The following ZNF469 variants were observed in gnomAD, a reference collection of about 807,000 sequenced individuals.
ZNF469 encodes the protein zinc finger protein 469.
A neutral mutation model predicts 1.0 loss-of-function variants in ZNF469; 1 was observed. That is an observed-to-expected ratio of 1.00 (90% CI 0.35 to 4.73). ZNF469 has a LOEUF of 4.73. Ranked by LOEUF, ZNF469 falls within the 30% of genes most tolerant of loss-of-function variation. The pLI, the probability that ZNF469 is intolerant of heterozygous loss-of-function variation, is 0.16. For synonymous variants in ZNF469, 2,703 were observed against 2,363.4 expected, an observed-to-expected ratio of 1.14 and a Z score of -4.17; for missense variants, 6,100 against 5,356.3, an observed-to-expected ratio of 1.14 and a Z score of -4.33.
the ZNF469 span, among the ~76,000 whole-genome samples, chr16:88,329,908 G>A: frequency 3.8e-4 from 58 of 152,294 alleles, no homozygotes; most frequent in African/African-American, 1.4e-3. Flanking sequence ...CAAGCACCAC[G>A]GGCGCCCACA....
Position 88,437,320 on chromosome 16 carries a change from G to A in ZNF469, c.9850G>A (p.Gly3284Arg), listed in dbSNP as rs773064083. 171 of 1,547,116 alleles carry A rather than the reference G, an allele frequency of 1.1e-4. No homozygotes were observed. The highest frequency in any genetic ancestry group is 6.5e-4 in the Admixed American group (33 of 50,832). Residue 3284 changes from glycine (G) to arginine (R), a missense_variant, in exon 3 of 3, where the codon GGG (glycine) becomes AGG (arginine). By Grantham distance (125) the Gly-to-Arg change is moderately radical. Transcript: ENST00000565624. ...ACGCAGCACCCCCAGCAACCCAGACGGGGCCGCGACCCCAGACAGCGCCTC... is the reference window on the plus strand; with the variant it reads ...ACGCAGCACCCCCAGCAACCCAGACAGGGCCGCGACCCCAGACAGCGCCTC... ...RARSTPSNPDGAATPDSASAT... is the reference protein window; with the variant it reads ...RARSTPSNPDRAATPDSASAT...
chr16:88,195,662 A>G, the ZNF469 span, among the ~76,000 whole-genome samples: 1 of 152,204 alleles, frequency 6.6e-6, no homozygotes. Context: ...CCCAGCTAAC[A>G]ATGGCAGATG....
At position 88,439,203 on chromosome 16, in the gene ZNF469, C is replaced by G. The variant is rs569775102; in HGVS notation, c.11733C>G (p.Val3911=). Residue 3911 remains valine, a synonymous_variant, in exon 3 of 3, where the codon GTC becomes GTG. Coordinates refer to ENST00000565624, the MANE Select transcript of ZNF469 (RefSeq NM_001367624.2). ...LLRPPKRGTA[V]HGAEPAEPHT... ...GGCCCCCCAAGAGGGGCACAGCTGT[C>G]CACGGTGCTGAACCTGCCGAGCCAC... The G allele has an allele frequency of 1.9e-6, 3 of 1,550,060 alleles. No homozygotes were observed. The highest frequency in any genetic ancestry group is 2.0e-5 in the Admixed American group (1 of 50,986).
chr16:88,159,855 A>C, the ZNF469 span, among the ~76,000 whole-genome samples: 12 of 152,128 alleles, frequency 7.9e-5, no homozygotes, highest in African/African-American at 2.9e-4. Flanking sequence ...ATGGTCCCTG[A>C]GGGATAAGAG....
At chr16:88,377,068 G>A in the ZNF469 span, among the ~76,000 whole-genome samples, 86 of 152,382 alleles carry the variant, frequency 5.6e-4, no homozygotes, top group Non-Finnish European at 1.1e-3. Context: ...GGAGGGACTT[G>A]CCAGAGCTGG....
At chr16:88,216,767 G>A in the ZNF469 span, among the ~76,000 whole-genome samples, 5 of 152,064 alleles carry the variant, frequency 3.3e-5, no homozygotes, top group Non-Finnish European at 7.4e-5. Flanking sequence ...ACTGATTACT[G>A]GATGTTAACC....
At chr16:88,102,798 G>A in the ZNF469 span, among the ~76,000 whole-genome samples, 3 of 152,202 alleles carry the variant, frequency 2.0e-5, no homozygotes, top group Non-Finnish European at 4.4e-5. Context: ...GGCGTCCACC[G>A]CAGGGCCCCT....
At chr16:88,356,670 C>T in the ZNF469 span, among the ~76,000 whole-genome samples, 1 of 152,054 alleles carries the variant, frequency 6.6e-6, no homozygotes, top group Admixed American at 6.5e-5. Context: ...AGGCCAGATA[C>T]ATGAACAAGG....
chr16:88,213,213 C>G, the ZNF469 span, among the ~76,000 whole-genome samples: 4 of 152,054 alleles, frequency 2.6e-5, no homozygotes, highest in Admixed American at 6.5e-5. Context: ...ACTCTCCTGC[C>G]TCAGCCTGCC....
At chr16:88,186,419 C>A in the ZNF469 span, among the ~76,000 whole-genome samples, 1 of 152,210 alleles carries the variant, frequency 6.6e-6, no homozygotes, top group African/African-American at 2.4e-5. Flanking sequence ...GCCAGGCCGA[C>A]CGGGGAGGCT....
chr16:88,339,697 A>G, the ZNF469 span, among the ~76,000 whole-genome samples: 2 of 51,064 alleles, frequency 3.9e-5, no homozygotes, highest in Admixed American at 2.5e-4. Flanking sequence ...AGGATGGCAG[A>G]GGGAGGGGGG....
the ZNF469 span, among the ~76,000 whole-genome samples, chr16:88,148,449 G>T: frequency 1.3e-5 from 2 of 152,194 alleles, no homozygotes; most frequent in African/African-American, 4.8e-5. Context: ...ACTCTGTGAG[G>T]TCTTTCTTTA....
Position 88,436,667 on chromosome 16 carries a change from A to G in ZNF469, c.9197A>G (p.Asp3066Gly). The change falls in exon 3 of 3, where the codon GAC (aspartate) becomes GGC (glycine). Residue 3066 changes from aspartate to glycine, a missense_variant. By Grantham distance (94) the Asp-to-Gly change is moderately conservative (BLOSUM62 -1). Transcript: ENST00000565624. ...CTGTGCTTTCTGGGACCCTTTGAAG[A>G]CCCCGTGGGTCTCCCCGGCCCCAGC... is the stretch of plus-strand genomic sequence containing the variant. ...QDLCFLGPFE[D>G]PVGLPGPSFL... is the part of the protein sequence containing the mutation. The G allele has an allele frequency of 6.5e-7, 1 of 1,549,468 alleles. No individual in the cohort carries two copies.
chr16:88,214,084 T>C, the ZNF469 span, among the ~76,000 whole-genome samples: 3 of 152,246 alleles, frequency 2.0e-5, no homozygotes, highest in Admixed American at 6.5e-5. Context: ...TCACAACCCC[T>C]GTCCTCTCTT....
rs1906134832 is a variant in ZNF469 at position 88,431,004 on chromosome 16, G to A, written c.3534G>A (p.Leu1178=). The A allele has an allele frequency of 6.5e-7, 1 of 1,542,938 alleles. No homozygotes were observed. Among genetic ancestry groups the A allele is most frequent in the African/African-American group, 1.4e-5 (1 of 73,022 alleles). Residue 1178 remains leucine (L), a synonymous_variant, in exon 3 of 3, where the codon CTG becomes CTA. Coordinates refer to ENST00000565624, the MANE Select transcript of ZNF469 (RefSeq NM_001367624.2). ...AGGCCCGTGGCCCGTCTCGAAGCCTGGAGACGGGAGCGGCCGCCAGGGAGG... is the reference window on the plus strand; with the variant it reads ...AGGCCCGTGGCCCGTCTCGAAGCCTAGAGACGGGAGCGGCCGCCAGGGAGG... The part of the protein sequence containing the change: ...SPQARGPSRS[L]ETGAAAREGG...
At position 88,430,495 on chromosome 16, in the gene ZNF469, G is replaced by A; in HGVS notation, c.3025G>A (p.Ala1009Thr). 7 of 1,418,710 alleles carry A rather than the reference G, an allele frequency of 4.9e-6. No homozygotes were observed. The highest frequency in any genetic ancestry group is 2.9e-5 in the East Asian group (1 of 34,940). The allele number at this position is 1,418,710 out of a possible 1,614,324, so 87.9% of individuals were successfully genotyped here. The stretch of plus-strand genomic sequence containing the variant: ...GGCCCCCGGGAGCCGCGCAGACCCC[G>A]CGCCCCGGGTCCCGAGAGCCGCCGC... ...TQAPGSRADP[A>T]PRVPRAAALP... Residue 1009 changes from alanine (A) to threonine (T), a missense_variant, in exon 3 of 3, where the codon GCG becomes ACG. Coordinates refer to ENST00000565624, the MANE Select transcript of ZNF469 (RefSeq NM_001367624.2).
chr16:88,246,575 T>C, the ZNF469 span, among the ~76,000 whole-genome samples: 1 of 152,206 alleles, frequency 6.6e-6, no homozygotes, highest in Non-Finnish European at 1.5e-5. Context: ...AAAACACAGA[T>C]CACTGGCACC....
Position 88,427,421 on chromosome 16 carries a change from AG to A in ZNF469, c.-47del. ...AGGATGGCCGTCCAGCCCACTCCCC[AG>A]GGCCCCCCTCGGACAGCTGCGTCGT... On this transcript the variant is annotated 5_prime_UTR_variant, in exon 3 of 3. It removes the in-frame stop codon of an upstream open reading frame in the 5' UTR. Coordinates refer to ENST00000565624, the MANE Select transcript of ZNF469 (RefSeq NM_001367624.2). 13 of 1,441,176 alleles carry A rather than the reference AG, an allele frequency of 9.0e-6. No individual in the cohort carries two copies. Among genetic ancestry groups the A allele is most frequent in the Non-Finnish European group, 1.2e-5 (13 of 1,100,048 alleles). 89.3% of individuals were successfully genotyped at this position (1,441,176 alleles called of 1,614,324 possible).
chr16:88,100,984 G>A, the ZNF469 span: 66 of 272,420 alleles, frequency 2.4e-4, 2 homozygotes, highest in East Asian at 7.3e-3. Context: ...CACCTGGGGC[G>A]TGGAGCCGGG....
Sources: gnomAD v4.1 joint callset for allele counts (sites outside exome capture counted in the v4.1 genomes callset) on GRCh38, gnomAD v4.1.1 for gene constraint, MANE v1.5 for transcripts, NCBI Gene and HGNC (gene_info 2026-07-23, HGNC 2026-07-21) for gene names.